LRBA: variants seen among roughly 807,000 people sequenced by gnomAD.
LRBA encodes the protein lipopolysaccharide-responsive and beige-like anchor protein.
Under a neutral mutation model 330.0 loss-of-function variants are expected in LRBA, and 176 were observed. The observed-to-expected ratio is 0.53, with a 90% confidence interval of 0.47 to 0.60. The LOEUF is 0.60. LRBA is among the 20% of genes least tolerant of loss of function. The pLI is 0.00. For synonymous variants in LRBA, 1,230 were observed against 1,193.0 expected (o/e 1.03, Z -0.64); for missense variants, 3,259 against 3,444.8 (o/e 0.95, Z 1.35).
At chr4:150,661,469 CAAAAAAA>C (rs563120801) in intron 37 of LRBA, among the ~76,000 whole-genome samples, 1 of 64,972 alleles carries the variant, frequency 1.5e-5, no homozygotes, top group Non-Finnish European at 3.4e-5. Context: ...GACTCTGTCT[CAAAAAAA>C]AAAAAAAAAA....
chr4:150,498,931 T>G (rs571580479), intron 40 of LRBA, among the ~76,000 whole-genome samples: 3 of 152,308 alleles, frequency 2.0e-5, no homozygotes, highest in South Asian at 2.1e-4. Context: ...TAAAGAGTTT[T>G]GTCTAATTCA....
intron 47 of LRBA, among the ~76,000 whole-genome samples, chr4:150,366,433 T>C (rs1489301191): frequency 6.6e-6 from 1 of 152,202 alleles, no homozygotes; most frequent in East Asian, 1.9e-4. Context: ...TAGCAAAATA[T>C]ATTAGAAGCA....
intron 37 of LRBA, among the ~76,000 whole-genome samples, chr4:150,600,715 CATG>C (rs879266500): frequency 8.6e-5 from 13 of 152,034 alleles, no homozygotes; most frequent in Non-Finnish European, 1.5e-4. Flanking sequence ...TGAATAAAAA[CATG>C]ATGATATTAT....
At chr4:150,696,217 AGACCCTGTCTC>A (rs1370752048) in intron 36 of LRBA, among the ~76,000 whole-genome samples, 1 of 152,202 alleles carries the variant, frequency 6.6e-6, no homozygotes, top group East Asian at 1.9e-4. Flanking sequence ...TGAGAGAGTG[AGACCCTGTCTC>A]AAAAACAAAA....
At chr4:150,432,585 G>A (rs1401608405) in intron 46 of LRBA, among the ~76,000 whole-genome samples, 1 of 150,812 alleles carries the variant, frequency 6.6e-6, no homozygotes, top group Non-Finnish European at 1.5e-5. Flanking sequence ...AGCCTCCCGA[G>A]TAGCTGGGAC....
intron 38 of LRBA, among the ~76,000 whole-genome samples, chr4:150,593,618 A>G (rs913949014): frequency 6.6e-6 from 1 of 152,214 alleles, no homozygotes; most frequent in South Asian, 2.1e-4. Context: ...CTTGTTTTTC[A>G]TAGTGCATTT....
chr4:150,512,824 G>T (rs1275750915), intron 40 of LRBA, among the ~76,000 whole-genome samples: 1 of 151,718 alleles, frequency 6.6e-6, no homozygotes, highest in Non-Finnish European at 1.5e-5. Flanking sequence ...CCAAAAAAGG[G>T]AACAGGTAAT....
chr4:150,804,902 T>C (rs1742333240), intron 33 of LRBA, among the ~76,000 whole-genome samples: 1 of 151,960 alleles, frequency 6.6e-6, no homozygotes, highest in Non-Finnish European at 1.5e-5. Flanking sequence ...ATCTTGCCAG[T>C]ACACTGCACT....
chr4:150,641,592 T>C (rs1778684329), intron 37 of LRBA, among the ~76,000 whole-genome samples: 1 of 152,174 alleles, frequency 6.6e-6, no homozygotes, highest in Admixed American at 6.5e-5. Context: ...TTTTCTTTTT[T>C]TTCTTTGCAG....
At chr4:150,472,066 C>T (rs1356556792) in intron 42 of LRBA, among the ~76,000 whole-genome samples, 1 of 151,942 alleles carries the variant, frequency 6.6e-6, no homozygotes, top group East Asian at 1.9e-4. Context: ...ATTATAGCAG[C>T]TGGGAAGTGC....
intron 11 of LRBA, among the ~76,000 whole-genome samples, chr4:150,907,468 T>A (rs1731481593): frequency 1.3e-5 from 2 of 152,156 alleles, no homozygotes; most frequent in African/African-American, 2.4e-5. Flanking sequence ...TTATATTTTT[T>A]AAAATATAAG....
chr4:150,875,175 AC>A (rs1753864243), intron 17 of LRBA, among the ~76,000 whole-genome samples: 4 of 152,122 alleles, frequency 2.6e-5, no homozygotes, highest in Admixed American at 2.6e-4. Context: ...TCTGTTTCAC[AC>A]CCAAGCCTAT....
At chr4:150,896,271 T>G (rs1579127413) in intron 16 of LRBA, 123 bp downstream of exon 16, 1 of 560,686 alleles carries the variant, frequency 1.8e-6, no homozygotes, top group East Asian at 3.4e-5. Context: ...AGTTCCTAAG[T>G]AGACACATTT....
chr4:150,966,085 T>C (rs977379987), intron 2 of LRBA, among the ~76,000 whole-genome samples: 2 of 152,224 alleles, frequency 1.3e-5, no homozygotes, highest in African/African-American at 4.8e-5. Context: ...TAGTGTTTTG[T>C]ACATGATCCA....
intron 28 of LRBA, among the ~76,000 whole-genome samples, chr4:150,842,578 A>G (rs1749253055): frequency 6.6e-6 from 1 of 152,212 alleles, no homozygotes; most frequent in Non-Finnish European, 1.5e-5. Flanking sequence ...CCTCAAACTG[A>G]CCACATTCAA....
At chr4:150,864,610 C>G (rs111308884) in intron 22 of LRBA, among the ~76,000 whole-genome samples, 3 of 149,432 alleles carry the variant, frequency 2.0e-5, no homozygotes, top group African/African-American at 7.4e-5. Flanking sequence ...GAGGACTGCA[C>G]AGACCCCATG....
intron 53 of LRBA, among the ~76,000 whole-genome samples, chr4:150,287,558 T>C (rs2126786004): frequency 6.6e-6 from 1 of 152,326 alleles, no homozygotes; most frequent in South Asian, 2.1e-4. Flanking sequence ...CCAATGCATG[T>C]ACCAGAGTAC....
At chr4:150,781,101 G>A (rs1017835254) in intron 34 of LRBA, among the ~76,000 whole-genome samples, 4 of 151,956 alleles carry the variant, frequency 2.6e-5, no homozygotes, top group Non-Finnish European at 4.4e-5. Context: ...GGATGGTCTC[G>A]ATCTCCTGAC....
In LRBA at chr4:150,302,791, T is replaced by C; in HGVS notation, c.7851A>G (p.Gly2617=). ...KSFRVYSTDT[G]RLIQVVFGHW... is the part of the protein sequence containing the mutation. ...GGCCAAACACCACTTGGATCAATCT[T>C]CCTGTAATGCAAAACAATTTTCTTT... Residue 2617 remains glycine (G), a splice_region_variant and synonymous_variant, in exon 53 of 57, where the codon GGA becomes GGG. Transcript: ENST00000651943. The C allele has an allele frequency of 6.3e-7, 1 of 1,580,700 alleles. No homozygotes were observed. Among genetic ancestry groups the C allele is most frequent in the Non-Finnish European group, 8.6e-7 (1 of 1,164,142 alleles).
Sources: allele counts gnomAD v4.1 joint callset (sites outside exome capture counted in the v4.1 genomes callset), GRCh38; gene constraint gnomAD v4.1.1; transcripts MANE v1.5; gene names NCBI Gene and HGNC (gene_info 2026-07-23, HGNC 2026-07-21).